The following PSG11 variants were observed in gnomAD, a reference collection of about 807,000 sequenced individuals.
The protein encoded by PSG11 is pregnancy-specific beta-1-glycoprotein 11.
PSG11 carries 42 observed loss-of-function variants against 36.0 expected under a neutral mutation model. The ratio of observed to expected loss-of-function variants is 1.17; its 90% CI spans 0.91 to 1.51. The LOEUF (loss-of-function observed/expected upper bound fraction) is 1.51. Ranked by LOEUF, PSG11 falls within the 40% of genes most tolerant of loss-of-function variation. The pLI is 0.00. For missense variants in PSG11, 558 were observed against 403.5 expected (o/e 1.38, Z -3.28); for synonymous variants, 206 against 153.5 (o/e 1.34, Z -2.53).
chr19:43,012,225 C>T lies in PSG11; in HGVS notation c.965-2184G>A, dbSNP rs542008655. 1.3e-3 allele frequency among the ~76,000 whole-genome samples: 200 copies of T among 151,474 alleles called. 3 individuals carry two copies. The highest frequency in any genetic ancestry group is 4.6e-3 in the African/African-American group (189 of 41,152). On this transcript the variant is annotated intron_variant, in intron 4 of 5. Coordinates refer to ENST00000320078, the MANE Select transcript of PSG11 (RefSeq NM_002785.3). ...TGGAGAAAGACTGAAAGCTTCCCCT[C>T]TATGAGCAGGAACAAGACAAGGATG...
At position 43,018,766 on chromosome 19, in the gene PSG11, T is replaced by C. The variant is rs768945513; in HGVS notation, c.709+4A>G. The C allele has an allele frequency of 6.2e-7, 1 of 1,612,052 alleles. No individual in the cohort carries two copies. Among genetic ancestry groups the C allele is most frequent in the Non-Finnish European group, 8.5e-7 (1 of 1,179,050 alleles). On this transcript the variant is annotated splice_donor_region_variant and intron_variant, in intron 3 of 5. Coordinates refer to ENST00000320078, the MANE Select transcript of PSG11 (RefSeq NM_002785.3). Reference sequence around the variant, plus strand: ...TGGCTCACAGAGGAACAGAAGATACTCACGGAGGAGATTCAGGGTGACTGG... The same window carrying C: ...TGGCTCACAGAGGAACAGAAGATACCCACGGAGGAGATTCAGGGTGACTGG...
intron 4 of PSG11, chr19:43,010,442 G>T: frequency 1.4e-6 from 2 of 1,421,496 alleles, no homozygotes; most frequent in Non-Finnish European, 1.9e-6. Context: ...TTGACAGAAG[G>T]CCCAGGTCAG....
At chr19:43,025,080 T>A (rs112980764) in intron 1 of PSG11, 24 bp from the exon 2 acceptor site, 73,654 of 1,600,240 alleles carry the variant, frequency 0.046, 6,336 homozygotes, top group East Asian at 0.34. Context: ...AGAGCATCAG[T>A]CAATATTGAG....
intron 5 of PSG11, among the ~76,000 whole-genome samples, chr19:43,008,566 G>C (rs559915154): frequency 2.6e-5 from 4 of 151,160 alleles, no homozygotes; most frequent in African/African-American, 9.8e-5. Context: ...ATGAGCCATC[G>C]CACCCAGCCT....
At chr19:43,019,087 C>T (rs1249755942) in intron 2 of PSG11, 39 bp from the exon 3 acceptor site, 2 of 1,593,884 alleles carry the variant, frequency 1.3e-6, no homozygotes, top group East Asian at 2.2e-5. Flanking sequence ...CTGTGTGGCA[C>T]CTTTGATTCC....
rs145099088 is a variant in PSG11 at position 43,010,607 on chromosome 19, G to T, written c.965-566C>A. ...CTCATCAGCCTTGCAAAAACTCTTA[G>T]AATTGCATTGGTACCTAAAACTTCT... On this transcript the variant is annotated intron_variant, in intron 4 of 5. Transcript: ENST00000320078. 217 of 346,688 alleles carry T rather than the reference G, an allele frequency of 6.3e-4. 5 individuals are homozygous for T. In the South Asian group the frequency reaches 0.01, roughly 16 times the overall value. 21.5% of individuals were successfully genotyped at this position (346,688 alleles called of 1,614,324 possible).
chr19:43,025,415 A>G (rs1453784470), intron 1 of PSG11: 5 of 248,180 alleles, frequency 2.0e-5, no homozygotes, highest in African/African-American at 6.7e-5. Context: ...CTTTCCTGAC[A>G]CCTCCTTCAG....
In PSG11 at chr19:43,025,238, G is replaced by T. The variant is rs1272264668; in HGVS notation, c.65-182C>A. 19 of 1,136,572 alleles carry T rather than the reference G, an allele frequency of 1.7e-5. 1 individual carries two copies. Among genetic ancestry groups the T allele is most frequent in the Non-Finnish European group, 2.2e-5 (18 of 814,224 alleles). The allele number at this position is 1,136,572 out of a possible 1,614,324, so 70.4% of individuals were successfully genotyped here. ...CATGTGTGTTTGTGTATGTGTATGT[G>T]TGTGTGTTCTACTGTCCTACTAGGT... On this transcript the variant is annotated intron_variant, in intron 1 of 5. Transcript: ENST00000320078.
At chr19:43,015,983 A>C (rs994131020) in intron 3 of PSG11, 2 of 1,610,032 alleles carry the variant, frequency 1.2e-6, no homozygotes, top group African/African-American at 2.7e-5. Flanking sequence ...GTGAAGGTTA[A>C]GACATCCTTA....
chr19:43,018,723 G>A lies in PSG11; in HGVS notation c.709+47C>T, dbSNP rs764646913. The A allele has an allele frequency of 3.1e-6, 5 of 1,611,788 alleles. No individual in the cohort carries two copies. The East Asian group carries it at 1.1e-4, about 36-fold the overall frequency. ...TGAGAGGCCTGGCCTCTGGCCATGT[G>A]TATTTGGGATGGCAGCCTGGCTCAC... On this transcript the variant is annotated intron_variant, in intron 3 of 5. Coordinates refer to ENST00000320078, the MANE Select transcript of PSG11 (RefSeq NM_002785.3).
chr19:43,014,522 C>G, intron 4 of PSG11: 2 of 980,728 alleles, frequency 2.0e-6, no homozygotes, highest in Non-Finnish European at 2.4e-6. Flanking sequence ...TTGGCTTGAA[C>G]TGGCAGCTCA....
intron 4 of PSG11, 178 bp from the exon 5 acceptor site, chr19:43,010,219 C>A: frequency 6.9e-7 from 1 of 1,451,566 alleles, no homozygotes; most frequent in Non-Finnish European, 9.1e-7. Context: ...TCCCTCTCAC[C>A]ATGTTTCTCA....
In PSG11 at chr19:43,015,129, T is replaced by G; in HGVS notation, c.951A>C (p.Thr317=). 6.2e-7 allele frequency: 1 copy of G among 1,611,968 alleles called. No individual in the cohort carries two copies. The highest frequency in any genetic ancestry group is 1.3e-5 in the African/African-American group (1 of 74,524). ...ATGEESSTSL[T]IRVIAPPGLG... ...GGATCCACTTACCAATGACTCTGATTGTCAAGGATGTGGAGCTTTCCTCGC... is the reference window on the plus strand; with the variant it reads ...GGATCCACTTACCAATGACTCTGATGGTCAAGGATGTGGAGCTTTCCTCGC... The change falls in exon 4 of 6, where the codon ACA becomes ACC. Residue 317 remains threonine (T), a synonymous_variant. Transcript: ENST00000320078.
intron 2 of PSG11, among the ~76,000 whole-genome samples, chr19:43,019,888 A>G (rs1433677332): frequency 1.3e-5 from 2 of 151,498 alleles, no homozygotes; most frequent in Non-Finnish European, 2.9e-5. Flanking sequence ...GGAAAGGGCA[A>G]ACATGAACTG....
chr19:43,025,087 T>G lies in PSG11; in HGVS notation c.65-31A>C, dbSNP rs193110754. On this transcript the variant is annotated intron_variant, in intron 1 of 5. Coordinates refer to ENST00000320078, the MANE Select transcript of PSG11 (RefSeq NM_002785.3). The stretch of plus-strand genomic sequence containing the variant: ...AGGTGGAGAGAGCATCAGTCAATAT[T>G]GAGACCTATGTATTGGGGTGAAAAG... 155 of 1,595,630 alleles carry G rather than the reference T, an allele frequency of 9.7e-5. 2 individuals are homozygous for G. In the African/African-American group the frequency reaches 1.7e-3, roughly 17 times the overall value.
chr19:43,011,002 A>G lies in PSG11; in HGVS notation c.965-961T>C, dbSNP rs565164545. Among the ~76,000 whole-genome samples the G allele has an allele frequency of 5.9e-4, 89 of 150,656 alleles. 4 individuals are homozygous for G. The highest frequency in any genetic ancestry group is 2.1e-3 in the African/African-American group (86 of 40,774). On this transcript the variant is annotated intron_variant, in intron 4 of 5. Coordinates refer to ENST00000320078, the MANE Select transcript of PSG11 (RefSeq NM_002785.3). ...ACCTGTATCTCATTTAATCCACACA[A>G]TAACCCTGTGAGGTAGACATTATTT...
intron 2 of PSG11, among the ~76,000 whole-genome samples, chr19:43,021,085 A>T (rs187941999): frequency 6.6e-6 from 1 of 151,322 alleles, no homozygotes; most frequent in Non-Finnish European, 1.5e-5. Flanking sequence ...GCCACCTCCA[A>T]CTAGTCCCCA....
At chr19:43,008,716 G>C (rs1435569037) in intron 5 of PSG11, among the ~76,000 whole-genome samples, 2 of 151,200 alleles carry the variant, frequency 1.3e-5, no homozygotes. Flanking sequence ...TGTTTCTCAA[G>C]AGGATTACTG....
At position 43,025,020 on chromosome 19, in the gene PSG11, G is replaced by A. The variant is rs776923705; in HGVS notation, c.101C>T (p.Ala34Val). 6.2e-6 allele frequency: 10 copies of A among 1,610,848 alleles called. No individual in the cohort carries two copies. The highest frequency in any genetic ancestry group is 8.5e-6 in the Non-Finnish European group (10 of 1,178,330). ...LLNFWNLPTTAQVMIEAQPPK... is the reference protein window; with the variant it reads ...LLNFWNLPTTVQVMIEAQPPK... Reference sequence around the variant, plus strand: ...TGGCTGGGCTTCAATCATGACTTGGGCAGTGGTAGGCAAGTTCCAGAAGTT... The same window carrying A: ...TGGCTGGGCTTCAATCATGACTTGGACAGTGGTAGGCAAGTTCCAGAAGTT... The change falls in exon 2 of 6, where the codon GCC (alanine) becomes GTC (valine). Residue 34 changes from alanine (A) to valine (V), a missense_variant. Coordinates refer to ENST00000320078, the MANE Select transcript of PSG11 (RefSeq NM_002785.3).
Sources: gnomAD v4.1 joint callset for allele counts (sites outside exome capture counted in the v4.1 genomes callset) on GRCh38, gnomAD v4.1.1 for gene constraint, MANE v1.5 for transcripts, NCBI Gene and HGNC (gene_info 2026-07-23, HGNC 2026-07-21) for gene names.